The following PDCL2 variants were observed in gnomAD, a reference collection of about 807,000 sequenced individuals.
The protein encoded by PDCL2 is phosducin like 2, also known as phosducin-like protein 2.
In PDCL2, 23 loss-of-function variants were observed where a neutral mutation model predicts 30.3. That is an observed-to-expected ratio of 0.76 (90% confidence interval 0.55 to 1.08). The LOEUF (loss-of-function observed/expected upper bound fraction) is 1.08, where lower values mean the gene tolerates loss of function less well. PDCL2 is among the 50% of genes least tolerant of loss of function. The pLI is 0.00. For missense variants in PDCL2, 243 were observed against 282.3 expected (o/e 0.86, Z 1.00); for synonymous variants, 68 against 86.2 (o/e 0.79, Z 1.17).
intron 1 of PDCL2, among the ~76,000 whole-genome samples, chr4:55,585,393 T>A (rs1732833560): frequency 6.6e-6 from 1 of 152,036 alleles, no homozygotes; most frequent in Non-Finnish European, 1.5e-5. Flanking sequence ...CTGGGCACAG[T>A]GGCAGGCACC....
chr4:55,556,569 A>T lies in PDCL2; in HGVS notation c.714T>A (p.Asn238Lys). 3 of 1,555,786 alleles carry T rather than the reference A, an allele frequency of 1.9e-6. No homozygotes were observed. Among genetic ancestry groups the T allele is most frequent in the Non-Finnish European group, 2.6e-6 (3 of 1,146,478 alleles). The stretch of plus-strand genomic sequence containing the variant: ...TGAATATTTCTCTCTATTTGGTATC[A>T]TTATCACTGTTGGAGCTATCACTGT... ...HDDSDSSNSDNDTK is the reference protein window; with the variant it reads ...HDDSDSSNSDKDTK The change falls in exon 6 of 6, where the codon AAT becomes AAA. Residue 238 changes from asparagine (N) to lysine (K), a missense_variant. Transcript: ENST00000295645.
At chr4:55,574,807 A>G (rs1364525285) in intron 3 of PDCL2, among the ~76,000 whole-genome samples, 1 of 152,214 alleles carries the variant, frequency 6.6e-6, no homozygotes, top group Non-Finnish European at 1.5e-5. Context: ...ATTATGGCTG[A>G]ATAGTATTCC....
chr4:55,580,858 A>C lies in PDCL2; in HGVS notation c.181T>G (p.Phe61Val). 1 of 1,611,084 alleles carries C rather than the reference A, an allele frequency of 6.2e-7. No individual in the cohort carries two copies. Among genetic ancestry groups the C allele is most frequent in the Non-Finnish European group, 8.5e-7 (1 of 1,178,748 alleles). Reference sequence around the variant, plus strand: ...ACAGCCTGCATATCTTCTTCATCAAATTCATCTTCAGCTTCCTTTAGCTGT... The same window carrying C: ...ACAGCCTGCATATCTTCTTCATCAACTTCATCTTCAGCTTCCTTTAGCTGT... The part of the protein sequence containing the change: ...LAQLKEAEDE[F>V]DEEDMQAVET... The change falls in exon 3 of 6, where the codon TTT becomes GTT. Residue 61 changes from phenylalanine to valine, a missense_variant. Phe to Val is a conservative substitution (Grantham distance 50). Coordinates refer to ENST00000295645, the MANE Select transcript of PDCL2 (RefSeq NM_152401.3).
chr4:55,556,835 G>GC (rs1560497293), intron 5 of PDCL2, 124 bp from the exon 6 acceptor site: 16 of 786,084 alleles, frequency 2.0e-5, no homozygotes. Context: ...TTATTTATAG[G>GC]TTTTTTTTTC....
At chr4:55,576,414 CT>C (rs888041250) in intron 3 of PDCL2, among the ~76,000 whole-genome samples, 2 of 152,094 alleles carry the variant, frequency 1.3e-5, no homozygotes, top group Admixed American at 1.3e-4. Context: ...TCTAACTTCT[CT>C]TTTTTTCCTG....
At chr4:55,592,045 G>A (rs1240578794) in intron 1 of PDCL2, 59 bp downstream of exon 1, 2 of 1,595,058 alleles carry the variant, frequency 1.3e-6, no homozygotes, top group East Asian at 2.3e-5. Flanking sequence ...CCTTGGCTTC[G>A]GGCCCAGCTG....
At chr4:55,589,033 A>AT (rs991792420) in intron 1 of PDCL2, among the ~76,000 whole-genome samples, 4 of 151,442 alleles carry the variant, frequency 2.6e-5, no homozygotes, top group African/African-American at 9.7e-5. Flanking sequence ...AATTTTTTGT[A>AT]TTTTTTTAGT....
At position 55,590,820 on chromosome 4, in the gene PDCL2, G is replaced by C. The variant is rs186527260; in HGVS notation, c.6+1284C>G. ...ATGAAATTTTATCTAACAGAAACAG[G>C]CACCACAATCTATTTGCTCAAACTA... On this transcript the variant is annotated intron_variant, in intron 1 of 5. Transcript: ENST00000295645. 2.8e-3 allele frequency among the ~76,000 whole-genome samples: 423 copies of C among 152,192 alleles called. 2 individuals carry two copies. The highest frequency in any genetic ancestry group is 9.5e-3 in the African/African-American group (396 of 41,528).
At chr4:55,589,810 G>A (rs1393859863) in intron 1 of PDCL2, among the ~76,000 whole-genome samples, 1 of 152,156 alleles carries the variant, frequency 6.6e-6, no homozygotes, top group Non-Finnish European at 1.5e-5. Context: ...TAAAATTCAG[G>A]CTTAAATACC....
At chr4:55,588,397 C>T (rs1485642217) in intron 1 of PDCL2, among the ~76,000 whole-genome samples, 1 of 151,748 alleles carries the variant, frequency 6.6e-6, no homozygotes, top group Non-Finnish European at 1.5e-5. Flanking sequence ...GAAGGCTAAT[C>T]AAGGACTCAA....
chr4:55,582,364 G>T, intron 1 of PDCL2, 127 bp from the exon 2 acceptor site: 1 of 1,089,346 alleles, frequency 9.2e-7, no homozygotes, highest in Non-Finnish European at 1.3e-6. Flanking sequence ...AATTGGTTTT[G>T]AAGAATAAAG....
intron 3 of PDCL2, among the ~76,000 whole-genome samples, chr4:55,575,773 T>C (rs1165908320): frequency 6.6e-6 from 1 of 152,224 alleles, no homozygotes; most frequent in Non-Finnish European, 1.5e-5. Context: ...TTGATATTTT[T>C]TAAATGCTGA....
At chr4:55,564,098 T>C (rs924468744) in intron 4 of PDCL2, among the ~76,000 whole-genome samples, 3 of 152,172 alleles carry the variant, frequency 2.0e-5, no homozygotes, top group African/African-American at 7.2e-5. Context: ...AGAAAGTATA[T>C]CTTAGGGTAA....
intron 3 of PDCL2, among the ~76,000 whole-genome samples, chr4:55,580,074 C>T (rs1049647491): frequency 8.6e-5 from 13 of 151,490 alleles, no homozygotes; most frequent in Admixed American, 4.6e-4. Context: ...CTCAAACTCC[C>T]GACCTCAGGT....
chr4:55,586,023 T>G (rs1299544585), intron 1 of PDCL2, among the ~76,000 whole-genome samples: 1 of 152,148 alleles, frequency 6.6e-6, no homozygotes, highest in Non-Finnish European at 1.5e-5. Flanking sequence ...TTTATTTCAT[T>G]TATTTCTGCT....
chr4:55,566,516 G>A (rs181166589), intron 4 of PDCL2, among the ~76,000 whole-genome samples: 336 of 142,976 alleles, frequency 2.4e-3, no homozygotes, highest in Middle Eastern at 4.1e-3. Context: ...TCCGCCTCCC[G>A]GGTTCAAGCC....
intron 1 of PDCL2, among the ~76,000 whole-genome samples, chr4:55,587,161 T>C (rs1395410630): frequency 7.2e-6 from 1 of 138,970 alleles, no homozygotes; most frequent in Non-Finnish European, 1.5e-5. Flanking sequence ...CCTTGAACAC[T>C]GTGTCTTCCA....
Position 55,562,425 on chromosome 4 carries a change from C to A in PDCL2, c.550G>T (p.Gly184Trp). The change falls in exon 5 of 6, where the codon GGG (glycine) becomes TGG (tryptophan). Residue 184 changes from glycine to tryptophan, a missense_variant. Physicochemically the swap from Gly to Trp is radical, Grantham distance 184 (BLOSUM62 -2). Transcript: ENST00000295645. Reference sequence around the variant, plus strand: ...TTACCTTCCAGCTTGAGATTTATCCCTCCACATTCTATAATTCCAATGAAT... The same window carrying A: ...TTACCTTCCAGCTTGAGATTTATCCATCCACATTCTATAATTCCAATGAAT... ...AKFIGIIECG[G>W]INLKLEELEW... The A allele has an allele frequency of 6.9e-7, 1 of 1,445,818 alleles. No homozygotes were observed. The highest frequency in any genetic ancestry group is 9.1e-7 in the Non-Finnish European group (1 of 1,094,392). The allele number at this position is 1,445,818 out of a possible 1,614,324, so 89.6% of individuals were successfully genotyped here. A position where few individuals can be genotyped will look rare whatever the true frequency, so the allele number is the denominator to read the frequency against.
At chr4:55,588,952 G>C (rs1187960361) in intron 1 of PDCL2, among the ~76,000 whole-genome samples, 1 of 151,690 alleles carries the variant, frequency 6.6e-6, no homozygotes, top group Non-Finnish European at 1.5e-5. Context: ...CTGCCTCCTG[G>C]GTTCATGCCA....
Sources: allele counts gnomAD v4.1 joint callset (sites outside exome capture counted in the v4.1 genomes callset), GRCh38; gene constraint gnomAD v4.1.1; transcripts MANE v1.5; gene names NCBI Gene and HGNC (gene_info 2026-07-23, HGNC 2026-07-21).